Variants in GRIN2B observed in about 807,000 individuals in gnomAD.
The protein encoded by GRIN2B is glutamate ionotropic receptor NMDA type subunit 2B.
A neutral mutation model predicts 114.5 loss-of-function variants in GRIN2B; 5 were observed. The observed-to-expected ratio is 0.04, with a 90% confidence interval of 0.02 to 0.09. The LOEUF is 0.09. GRIN2B is among the 10% of genes least tolerant of loss of function. The pLI is 1.00. For synonymous variants in GRIN2B, 787 were observed against 745.1 expected (o/e 1.06, Z -0.92); for missense variants, 1,108 against 1,943.5 (o/e 0.57, Z 8.08).
At chr12:13,926,612 A>G (rs777151801) in intron 2 of GRIN2B, among the ~76,000 whole-genome samples, 9 of 152,228 alleles carry the variant, frequency 5.9e-5, no homozygotes, top group African/African-American at 1.2e-4. Flanking sequence ...ACAAATGAGC[A>G]AAGTCAAGGA....
chr12:13,725,014 A>C (rs904343180), intron 4 of GRIN2B, among the ~76,000 whole-genome samples: 1 of 152,150 alleles, frequency 6.6e-6, no homozygotes, highest in Non-Finnish European at 1.5e-5. Context: ...TTCAGATGTC[A>C]GTGAAAGGCA....
intron 2 of GRIN2B, among the ~76,000 whole-genome samples, chr12:13,964,159 C>T (rs1203556617): frequency 6.6e-6 from 1 of 152,130 alleles, no homozygotes; most frequent in Non-Finnish European, 1.5e-5. Context: ...TTATCTGAAT[C>T]ACATTCATCC....
intron 2 of GRIN2B, among the ~76,000 whole-genome samples, chr12:13,871,914 G>C (rs16909528): frequency 0.014 from 2,068 of 152,126 alleles, 45 homozygotes; most frequent in African/African-American, 0.048. Flanking sequence ...TTTAGAAATT[G>C]TTATTAAAGC....
At chr12:13,687,404 T>C (rs1950182002) in intron 4 of GRIN2B, among the ~76,000 whole-genome samples, 1 of 152,126 alleles carries the variant, frequency 6.6e-6, no homozygotes, top group African/African-American at 2.4e-5. Flanking sequence ...CACTTTGACT[T>C]GAAACTCCCC....
chr12:13,570,008 A>G lies in GRIN2B; in HGVS notation c.2181T>C (p.Asp727=). ...GCACTGCTGCATCATAGATGAAGGC[A>G]TCCAGTTTCCTGTACAGGAAAAAAG... ...ALLSLKTGKL[D]AFIYDAAVLN... is the part of the protein sequence containing the mutation. Residue 727 remains aspartate, a synonymous_variant, in exon 12 of 14, where the codon GAT becomes GAC. Coordinates refer to ENST00000609686, the MANE Select transcript of GRIN2B (RefSeq NM_000834.5). The G allele has an allele frequency of 6.2e-7, 1 of 1,611,406 alleles. No homozygotes were observed. The highest frequency in any genetic ancestry group is 1.1e-5 in the South Asian group (1 of 90,974).
At chr12:13,697,975 C>T (rs1386034451) in intron 4 of GRIN2B, among the ~76,000 whole-genome samples, 1 of 152,172 alleles carries the variant, frequency 6.6e-6, no homozygotes, top group African/African-American at 2.4e-5. Flanking sequence ...TAAATAGACC[C>T]CACCTGCTCT....
chr12:13,746,446 C>A (rs559517340), intron 4 of GRIN2B, among the ~76,000 whole-genome samples: 42 of 152,282 alleles, frequency 2.8e-4, no homozygotes, highest in South Asian at 1.5e-3. Flanking sequence ...GGGTTTGCTT[C>A]TGCCTTCAAG....
chr12:13,601,379 C>T (rs1036832344), intron 10 of GRIN2B, among the ~76,000 whole-genome samples: 1 of 152,194 alleles, frequency 6.6e-6, no homozygotes, highest in Non-Finnish European at 1.5e-5. Flanking sequence ...GTCTTCTCAT[C>T]TGTGTGTTTT....
At chr12:13,588,542 G>A (rs1326187684) in intron 10 of GRIN2B, among the ~76,000 whole-genome samples, 1 of 152,154 alleles carries the variant, frequency 6.6e-6, no homozygotes, top group Non-Finnish European at 1.5e-5. Context: ...ATATTAAAAG[G>A]ATGAAGTTAA....
At chr12:13,621,151 G>T (rs1049944301) in intron 5 of GRIN2B, among the ~76,000 whole-genome samples, 1 of 152,068 alleles carries the variant, frequency 6.6e-6, no homozygotes, top group Non-Finnish European at 1.5e-5. Context: ...CTCTCAAGGG[G>T]GAGAAAGTAT....
intron 2 of GRIN2B, among the ~76,000 whole-genome samples, chr12:13,938,753 G>A (rs1402959810): frequency 6.6e-6 from 1 of 152,104 alleles, no homozygotes. Context: ...ACTGCAAAAG[G>A]GCACAAGAGA....
At chr12:13,973,582 C>A (rs1297696471) in intron 2 of GRIN2B, among the ~76,000 whole-genome samples, 5 of 152,166 alleles carry the variant, frequency 3.3e-5, no homozygotes, top group Admixed American at 3.3e-4. Flanking sequence ...TCTCAGGGAC[C>A]CTGGGCACAG....
intron 4 of GRIN2B, among the ~76,000 whole-genome samples, chr12:13,733,150 T>A (rs1012368586): frequency 2.0e-5 from 3 of 152,172 alleles, no homozygotes; most frequent in South Asian, 4.1e-4. Context: ...ACAGGAAGGA[T>A]AACCATGCCA....
chr12:13,732,765 A>G (rs902580400), intron 4 of GRIN2B, among the ~76,000 whole-genome samples: 1 of 152,220 alleles, frequency 6.6e-6, no homozygotes, highest in Non-Finnish European at 1.5e-5. Context: ...AATATAAAGA[A>G]TCTAAAAATA....
intron 3 of GRIN2B, among the ~76,000 whole-genome samples, chr12:13,784,516 A>G (rs542524028): frequency 6.6e-6 from 1 of 152,064 alleles, no homozygotes; most frequent in East Asian, 1.9e-4. Context: ...CCTTTTTGCA[A>G]TGTGACTTCG....
At chr12:13,607,209 T>A (rs1353907459) in intron 10 of GRIN2B, among the ~76,000 whole-genome samples, 3 of 110,124 alleles carry the variant, frequency 2.7e-5, no homozygotes, top group Admixed American at 1.4e-4. Context: ...ATATAATATA[T>A]AAAATATATA....
At chr12:13,764,719 C>T (rs1863746921) in intron 3 of GRIN2B, among the ~76,000 whole-genome samples, 1 of 152,148 alleles carries the variant, frequency 6.6e-6, no homozygotes, top group Non-Finnish European at 1.5e-5. Flanking sequence ...CAGTGGTCTC[C>T]AACATTTCTA....
At chr12:13,739,582 C>T (rs1179595366) in intron 4 of GRIN2B, among the ~76,000 whole-genome samples, 1 of 152,022 alleles carries the variant, frequency 6.6e-6, no homozygotes, top group Non-Finnish European at 1.5e-5. Context: ...AATACCTGGG[C>T]TGTTCCGCAC....
At chr12:13,596,399 T>C (rs543587418) in intron 10 of GRIN2B, among the ~76,000 whole-genome samples, 23 of 152,354 alleles carry the variant, frequency 1.5e-4, no homozygotes, top group African/African-American at 5.0e-4. Context: ...AGGTGGTTTA[T>C]AGCCTTAAGC....
Sources: gnomAD v4.1 joint callset for allele counts (sites outside exome capture counted in the v4.1 genomes callset) on GRCh38, gnomAD v4.1.1 for gene constraint, MANE v1.5 for transcripts, NCBI Gene and HGNC (gene_info 2026-07-23, HGNC 2026-07-21) for gene names.